Variants in ADCY2 observed in about 807,000 individuals in gnomAD.
ADCY2 encodes adenylate cyclase 2, also known as adenylate cyclase type 2.
A neutral mutation model predicts 125.2 loss-of-function variants in ADCY2; 31 were observed. That is an observed-to-expected ratio of 0.25 (90% CI 0.19 to 0.33). The LOEUF is 0.33. Among genes scored for constraint, ADCY2 ranks in the 10% least tolerant of loss-of-function variants. The probability of loss-of-function intolerance (pLI) is 1.00; values close to 1 mark genes in which losing one functional copy is unlikely to be tolerated. For synonymous variants in ADCY2, 512 were observed against 548.4 expected, an observed-to-expected ratio of 0.93 and a Z score of 0.93; for missense variants, 904 against 1,418.2, an observed-to-expected ratio of 0.64 and a Z score of 5.82.
chr5:7,524,656 T>A (rs1734391659), intron 3 of ADCY2, among the ~76,000 whole-genome samples: 1 of 152,190 alleles, frequency 6.6e-6, no homozygotes, highest in Non-Finnish European at 1.5e-5. Flanking sequence ...GTCTTTCAAC[T>A]TGAGTTTGTC....
rs12522939 is a variant in ADCY2 at position 7,533,023 on chromosome 5, A to T, written c.570+12124A>T. Among the ~76,000 whole-genome samples the T allele has an allele frequency of 2.4e-3, 362 of 149,836 alleles. 1 individual carries two copies. Among genetic ancestry groups the T allele is most frequent in the Non-Finnish European group, 4.0e-3 (269 of 67,538 alleles). On this transcript the variant is annotated intron_variant, in intron 3 of 24. Coordinates refer to ENST00000338316, the MANE Select transcript of ADCY2 (RefSeq NM_020546.3). ...AAACATTTGATATGTATACATATAT[A>T]TGTATATATGTATATAAACATTTGA... is the stretch of plus-strand genomic sequence containing the variant.
intron 3 of ADCY2, among the ~76,000 whole-genome samples, chr5:7,586,485 C>G (rs1433803199): frequency 6.6e-6 from 1 of 152,204 alleles, no homozygotes; most frequent in Non-Finnish European, 1.5e-5. Context: ...CCAAACTATT[C>G]TGTGTCAATT....
rs200878447 is a variant in ADCY2, at chr5:7,763,055, G to T, written c.2095-3632G>T. ...TGCTTTCATTTTCTTTGTTTTTTTT[G>T]TTTGTTTGTTTGTTTGTTTGTTTGT... On this transcript the variant is annotated intron_variant, in intron 16 of 24. Transcript: ENST00000338316. 6.1e-3 allele frequency among the ~76,000 whole-genome samples: 639 copies of T among 105,584 alleles called. 8 individuals are homozygous for T. Among genetic ancestry groups the T allele is most frequent in the African/African-American group, 0.021 (621 of 30,110 alleles). The allele number at this position is 105,584 out of a possible 152,430, so 69.3% of individuals were successfully genotyped here.
chr5:7,741,905 C>T (rs1742445053), intron 14 of ADCY2, among the ~76,000 whole-genome samples: 1 of 9,788 alleles, frequency 1.0e-4, no homozygotes, highest in African/African-American at 2.7e-4. Context: ...ATCACTGTAT[C>T]ACCTGTTATC....
intron 14 of ADCY2, 143 bp downstream of exon 14, chr5:7,727,404 C>A: frequency 1.5e-6 from 1 of 658,060 alleles, no homozygotes; most frequent in Non-Finnish European, 2.6e-6. Flanking sequence ...TAACCCAGGA[C>A]CTCGGAGGTT....
intron 14 of ADCY2, among the ~76,000 whole-genome samples, chr5:7,731,050 A>G (rs1292422416): frequency 6.6e-6 from 1 of 151,892 alleles, no homozygotes; most frequent in East Asian, 2.0e-4. Flanking sequence ...CCTGGGCTCC[A>G]GGTGTTTTCA....
chr5:7,481,688 T>C (rs1230460346), intron 2 of ADCY2, among the ~76,000 whole-genome samples: 1 of 152,202 alleles, frequency 6.6e-6, no homozygotes, highest in Admixed American at 6.5e-5. Context: ...AGTTGTTTGT[T>C]ATTCTGGTTA....
At chr5:7,499,693 GTGTATATATA>G (rs1408279635) in intron 2 of ADCY2, among the ~76,000 whole-genome samples, 12 of 125,298 alleles carry the variant, frequency 9.6e-5, no homozygotes, top group East Asian at 4.5e-4. Flanking sequence ...GTATATATAT[GTGTATATATA>G]TGTATATATA....
chr5:7,778,338 A>G (rs1743808944), intron 18 of ADCY2, among the ~76,000 whole-genome samples: 1 of 152,224 alleles, frequency 6.6e-6, no homozygotes, highest in South Asian at 2.1e-4. Context: ...ACTCACCTGG[A>G]GGCTAGAAAT....
In ADCY2 at chr5:7,414,845, G is replaced by A. The variant is rs559319924; in HGVS notation, c.408+75G>A. 5.0e-5 allele frequency: 68 copies of A among 1,358,310 alleles called. No individual in the cohort carries two copies. In the African/African-American group the frequency reaches 8.9e-4, roughly 18 times the overall value. The allele number at this position is 1,358,310 out of a possible 1,614,324, so 84.1% of individuals were successfully genotyped here. Reference sequence around the variant, plus strand: ...CATACTTAGTTCTGTAAACAACTTGGCCTTAAACTTTGAAGAGGAGTCCTA... The same window carrying A: ...CATACTTAGTTCTGTAAACAACTTGACCTTAAACTTTGAAGAGGAGTCCTA... On this transcript the variant is annotated intron_variant, in intron 2 of 24. Coordinates refer to ENST00000338316, the MANE Select transcript of ADCY2 (RefSeq NM_020546.3).
chr5:7,454,946 T>C (rs1212423484), intron 2 of ADCY2, among the ~76,000 whole-genome samples: 9 of 152,178 alleles, frequency 5.9e-5, no homozygotes, highest in Admixed American at 3.9e-4. Flanking sequence ...GCATAGAGCA[T>C]TTTTTATGTG....
chr5:7,558,644 C>T (rs952699683), intron 3 of ADCY2, among the ~76,000 whole-genome samples: 7 of 152,024 alleles, frequency 4.6e-5, no homozygotes, highest in Non-Finnish European at 7.4e-5. Flanking sequence ...TTTGTTTTCT[C>T]CATTGATAGT....
chr5:7,682,395 G>A (rs1740369491), intron 4 of ADCY2, among the ~76,000 whole-genome samples: 1 of 152,144 alleles, frequency 6.6e-6, no homozygotes, highest in Admixed American at 6.5e-5. Flanking sequence ...CTATTTCAGG[G>A]TCTGGTCTCC....
intron 4 of ADCY2, among the ~76,000 whole-genome samples, chr5:7,666,443 T>C (rs2126699318): frequency 6.6e-6 from 1 of 151,936 alleles, no homozygotes; most frequent in East Asian, 2.0e-4. Flanking sequence ...TAATTTTTTA[T>C]ATTTTTAGTA....
chr5:7,813,490 C>A (rs552614022), intron 22 of ADCY2, among the ~76,000 whole-genome samples: 1 of 152,138 alleles, frequency 6.6e-6, no homozygotes, highest in Non-Finnish European at 1.5e-5. Flanking sequence ...GAGAACTGAG[C>A]GAGTAGTCTC....
At chr5:7,723,943 A>AAAAAAAAAG (rs778086811) in intron 12 of ADCY2, among the ~76,000 whole-genome samples, 51 of 143,948 alleles carry the variant, frequency 3.5e-4, no homozygotes, top group African/African-American at 6.4e-4. Context: ...AAAAAAAAAA[A>AAAAAAAAAG]AGAGAAAAGA....
chr5:7,700,256 A>G (rs1579330709), intron 7 of ADCY2, among the ~76,000 whole-genome samples: 1 of 152,230 alleles, frequency 6.6e-6, no homozygotes, highest in Non-Finnish European at 1.5e-5. Context: ...AGATTTGCTT[A>G]TATAGGATAG....
chr5:7,480,560 A>G (rs897395335), intron 2 of ADCY2, among the ~76,000 whole-genome samples: 1 of 152,132 alleles, frequency 6.6e-6, no homozygotes, highest in Non-Finnish European at 1.5e-5. Context: ...ATGAGAACAC[A>G]TGGACACATA....
intron 3 of ADCY2, among the ~76,000 whole-genome samples, chr5:7,620,809 C>T (rs1737927966): frequency 6.6e-6 from 1 of 151,848 alleles, no homozygotes. Context: ...GGTGTTTTTG[C>T]ATATTTATGA....
Sources: allele counts gnomAD v4.1 joint callset (sites outside exome capture counted in the v4.1 genomes callset), GRCh38; gene constraint gnomAD v4.1.1; transcripts MANE v1.5; gene names NCBI Gene and HGNC (gene_info 2026-07-23, HGNC 2026-07-21).